MAN1C1: variants seen among roughly 807,000 people sequenced by gnomAD.
The protein encoded by MAN1C1 is mannosyl-oligosaccharide 1,2-alpha-mannosidase IC.
Under a neutral mutation model 71.5 loss-of-function variants are expected in MAN1C1, and 49 were observed. The ratio of observed to expected loss-of-function variants is 0.69; its 90% confidence interval spans 0.54 to 0.87. The LOEUF (loss-of-function observed/expected upper bound fraction) is 0.87. MAN1C1 is among the 40% of genes least tolerant of loss of function. MAN1C1 has a pLI of 0.00. For missense variants in MAN1C1, 743 were observed against 835.0 expected (o/e 0.89, Z 1.36); for synonymous variants, 352 against 343.7 (o/e 1.02, Z -0.27).
At chr1:25,723,136 G>A (rs1356319353) in intron 2 of MAN1C1, among the ~76,000 whole-genome samples, 1 of 152,144 alleles carries the variant, frequency 6.6e-6, no homozygotes, top group Non-Finnish European at 1.5e-5. Context: ...ATGTGGGCAA[G>A]AGGGCAAAGG....
intron 1 of MAN1C1, among the ~76,000 whole-genome samples, chr1:25,648,581 T>A (rs189271341): frequency 6.6e-6 from 1 of 152,290 alleles, no homozygotes; most frequent in Non-Finnish European, 1.5e-5. Flanking sequence ...CTCTGCCCCA[T>A]CTGTCCCTGC....
chr1:25,669,605 A>T (rs578197423), intron 1 of MAN1C1, among the ~76,000 whole-genome samples: 56 of 151,440 alleles, frequency 3.7e-4, no homozygotes, highest in South Asian at 8.4e-4. Flanking sequence ...TATCTTTTTT[A>T]AAAAAAAATT....
chr1:25,718,270 C>A (rs1437954962), intron 2 of MAN1C1, among the ~76,000 whole-genome samples: 1 of 152,194 alleles, frequency 6.6e-6, no homozygotes, highest in South Asian at 2.1e-4. Flanking sequence ...TAAACCTCCT[C>A]ACAGTGTGTC....
At chr1:25,657,742 C>G (rs2045788111) in intron 1 of MAN1C1, among the ~76,000 whole-genome samples, 1 of 152,176 alleles carries the variant, frequency 6.6e-6, no homozygotes, top group Non-Finnish European at 1.5e-5. Context: ...AACCTTTTGT[C>G]ATGCCCTGTT....
chr1:25,731,466 C>T (rs968342344), intron 2 of MAN1C1, among the ~76,000 whole-genome samples: 1 of 152,182 alleles, frequency 6.6e-6, no homozygotes, highest in African/African-American at 2.4e-5. Context: ...TGGCTTCAGT[C>T]GTCTACATTA....
At chr1:25,647,307 G>A (rs2045628809) in intron 1 of MAN1C1, among the ~76,000 whole-genome samples, 1 of 152,170 alleles carries the variant, frequency 6.6e-6, no homozygotes, top group Non-Finnish European at 1.5e-5. Flanking sequence ...GTGAAAGGCT[G>A]CATGGGAGCT....
In MAN1C1 at chr1:25,636,062, C is replaced by T. The variant is rs574997302; in HGVS notation, c.540+17725C>T. Among the ~76,000 whole-genome samples, 16 of 152,132 alleles carry T rather than the reference C, an allele frequency of 1.1e-4. No individual in the cohort carries two copies. In the South Asian group the frequency reaches 1.7e-3, roughly 16 times the overall value. ...GGATTCTAAAAGGGTAGGGGGTGTA[C>T]GAACAGGGAGTAGGTCACAAAGATC... On this transcript the variant is annotated intron_variant, in intron 1 of 11. Coordinates refer to ENST00000374332, the MANE Select transcript of MAN1C1 (RefSeq NM_020379.4).
chr1:25,670,165 C>A (rs1318823308), intron 1 of MAN1C1, among the ~76,000 whole-genome samples: 1 of 152,246 alleles, frequency 6.6e-6, no homozygotes, highest in Non-Finnish European at 1.5e-5. Context: ...GGCTCTGAAA[C>A]CCATCACCCA....
At position 25,735,824 on chromosome 1, in the gene MAN1C1, A is replaced by G. The variant is rs573938479; in HGVS notation, c.638-10844A>G. ...ACGGAGCAAGCCCAGCCATGCAAGC[A>G]TGTTTCAGATCATGTCCTCTAATCC... is the stretch of plus-strand genomic sequence containing the variant. On this transcript the variant is annotated intron_variant, in intron 2 of 11. Coordinates refer to ENST00000374332, the MANE Select transcript of MAN1C1 (RefSeq NM_020379.4). The surrounding 1 kb of genome is among the most constrained non-coding windows in gnomAD (Gnocchi z 4.6). Among the ~76,000 whole-genome samples, 13 of 152,322 alleles carry G rather than the reference A, an allele frequency of 8.5e-5. No individual in the cohort carries two copies. Among genetic ancestry groups the G allele is most frequent in the Admixed American group, 7.8e-4 (12 of 15,300 alleles).
At chr1:25,702,487 C>G (rs1042223214) in intron 2 of MAN1C1, among the ~76,000 whole-genome samples, 20 of 152,208 alleles carry the variant, frequency 1.3e-4, no homozygotes, top group African/African-American at 4.3e-4. Context: ...CCCATCCCCC[C>G]AAAACATACC....
chr1:25,621,132 C>T (rs1224907421), intron 1 of MAN1C1, among the ~76,000 whole-genome samples: 1 of 152,194 alleles, frequency 6.6e-6, no homozygotes, highest in Non-Finnish European at 1.5e-5. Context: ...TTGCTTCTGG[C>T]CCTGGCCCCT....
chr1:25,655,126 T>G (rs2045746557), intron 1 of MAN1C1, among the ~76,000 whole-genome samples: 1 of 152,244 alleles, frequency 6.6e-6, no homozygotes, highest in Non-Finnish European at 1.5e-5. Flanking sequence ...AATTGAGAGC[T>G]TCAGCCTCCT....
intron 1 of MAN1C1, among the ~76,000 whole-genome samples, chr1:25,680,969 C>G (rs1316393780): frequency 1.3e-5 from 2 of 152,024 alleles, no homozygotes; most frequent in African/African-American, 4.8e-5. Context: ...TGCCTGTAAT[C>G]CCAGCACTTT....
chr1:25,693,106 G>C (rs1216362230), intron 2 of MAN1C1, among the ~76,000 whole-genome samples: 1 of 152,018 alleles, frequency 6.6e-6, no homozygotes, highest in Non-Finnish European at 1.5e-5. Context: ...ATAATAAAAA[G>C]TTAATACATA....
intron 2 of MAN1C1, among the ~76,000 whole-genome samples, chr1:25,695,871 G>C (rs768072360): frequency 7.9e-5 from 12 of 152,222 alleles, no homozygotes; most frequent in Non-Finnish European, 1.6e-4. Flanking sequence ...TCAGTACAAA[G>C]GGGTTTGCTT....
chr1:25,686,580 C>T, intron 2 of MAN1C1, 44 bp downstream of exon 2: 1 of 1,542,360 alleles, frequency 6.5e-7, no homozygotes, highest in Non-Finnish European at 9.0e-7. Flanking sequence ...GGACCCACCG[C>T]CCCGCCAGTG....
Position 25,782,599 on chromosome 1 carries a change from C to T in MAN1C1, c.1665C>T (p.Tyr555=), listed in dbSNP as rs1415069880. 3 of 1,613,812 alleles carry T rather than the reference C, an allele frequency of 1.9e-6. No homozygotes were observed. The highest frequency in any genetic ancestry group is 2.5e-6 in the Non-Finnish European group (3 of 1,179,714). ...GWEVVLALEK[Y]CRTEAGFSGI... is the part of the protein sequence containing the mutation. ...CCCTTCCTCAGGCCTTGGAGAAATA[C>T]TGTCGGACAGAAGCCGGTTTCTCTG... is the stretch of plus-strand genomic sequence containing the variant. Residue 555 remains tyrosine, a synonymous_variant, in exon 11 of 12, where the codon TAC becomes TAT. Coordinates refer to ENST00000374332, the MANE Select transcript of MAN1C1 (RefSeq NM_020379.4). This position sits in a 1 kb window ranked among gnomAD's most constrained non-coding sequence, Gnocchi z 4.4.
chr1:25,738,407 G>A (rs1281994820), intron 2 of MAN1C1, among the ~76,000 whole-genome samples: 2 of 152,226 alleles, frequency 1.3e-5, no homozygotes, highest in Admixed American at 1.3e-4. Context: ...TAATGGGGAT[G>A]TCACTTTAAT....
chr1:25,760,854 T>C (rs1157727464), intron 6 of MAN1C1: 2 of 152,220 alleles, frequency 1.3e-5, no homozygotes, highest in African/African-American at 2.4e-5. Context: ...GCAGGCACTA[T>C]AGATAAAGCC....
Sources: allele counts gnomAD v4.1 joint callset (sites outside exome capture counted in the v4.1 genomes callset), GRCh38; gene constraint gnomAD v4.1.1; non-coding constraint Gnocchi (gnomAD v3.1); transcripts MANE v1.5; gene names NCBI Gene and HGNC (gene_info 2026-07-23, HGNC 2026-07-21).